MAD1L1: variants seen among roughly 807,000 people sequenced by gnomAD.
MAD1L1 encodes the protein mitotic arrest deficient 1 like 1.
A neutral mutation model predicts 96.9 loss-of-function variants in MAD1L1; 95 were observed. The ratio of observed to expected loss-of-function variants is 0.98; its 90% CI spans 0.83 to 1.16. The LOEUF (loss-of-function observed/expected upper bound fraction) is 1.16. Ranked by LOEUF, MAD1L1 falls within the 50% of genes most tolerant of loss-of-function variation. MAD1L1 has a pLI of 0.00. For synonymous variants in MAD1L1, 473 were observed against 396.6 expected (o/e 1.19, Z -2.29); for missense variants, 1,007 against 954.4 (o/e 1.06, Z -0.73).
At chr7:2,002,534 T>C (rs974256082) in intron 13 of MAD1L1, among the ~76,000 whole-genome samples, 7 of 152,150 alleles carry the variant, frequency 4.6e-5, no homozygotes, top group African/African-American at 1.7e-4. Context: ...AGGCTCGTGC[T>C]TAAAGAACAG....
intron 16 of MAD1L1, among the ~76,000 whole-genome samples, chr7:1,951,635 CCTG>C (rs1477692169): frequency 3.9e-5 from 6 of 152,216 alleles, no homozygotes; most frequent in African/African-American, 1.4e-4. Context: ...CTCTCCACCT[CCTG>C]TCTATGGATC....
Position 2,152,004 on chromosome 7 carries a change from T to C in MAD1L1, c.987-2766A>G, listed in dbSNP as rs139754040. Among the ~76,000 whole-genome samples, 13 of 144,204 alleles carry C rather than the reference T, an allele frequency of 9.0e-5. No homozygotes were observed. The East Asian group carries it at 2.3e-3, about 26-fold the overall frequency. The allele number at this position is 144,204 out of a possible 152,430, so 94.6% of individuals were successfully genotyped here. Reference sequence around the variant, plus strand: ...TGGCTCTCCACATTCCCACCGACTCTGCAGGAGGCTGCTTCCGGGTGGCTC... The same window carrying C: ...TGGCTCTCCACATTCCCACCGACTCCGCAGGAGGCTGCTTCCGGGTGGCTC... On this transcript the variant is annotated intron_variant, in intron 10 of 18. Coordinates refer to ENST00000265854, the MANE Select transcript of MAD1L1 (RefSeq NM_001013836.2).
At chr7:1,885,669 A>G (rs1785968674) in intron 18 of MAD1L1, among the ~76,000 whole-genome samples, 1 of 152,100 alleles carries the variant, frequency 6.6e-6, no homozygotes, top group Admixed American at 6.5e-5. Flanking sequence ...AGCTGTTGCC[A>G]TGACAACCCC....
At chr7:2,040,019 T>C (rs993673038) in intron 12 of MAD1L1, among the ~76,000 whole-genome samples, 3 of 152,222 alleles carry the variant, frequency 2.0e-5, no homozygotes, top group African/African-American at 7.2e-5. Context: ...CAGAAACTTT[T>C]AGCTGGGCCA....
intron 18 of MAD1L1, among the ~76,000 whole-genome samples, chr7:1,860,269 C>A (rs1389897107): frequency 1.1e-3 from 154 of 136,268 alleles, no homozygotes; most frequent in African/African-American, 4.6e-3. Context: ...TTCCCTAGAC[C>A]TGACATCCTG....
intron 12 of MAD1L1, among the ~76,000 whole-genome samples, chr7:2,051,745 C>CCCTACCTCCCCCA: frequency 7.5e-6 from 1 of 133,682 alleles, no homozygotes; most frequent in African/African-American, 2.9e-5. Flanking sequence ...CCTTGCTTTC[C>CCCTACCTCCCCCA]ACCCCCCACC....
At chr7:1,940,860 G>A (rs1413248036) in intron 16 of MAD1L1, among the ~76,000 whole-genome samples, 1 of 133,106 alleles carries the variant, frequency 7.5e-6, no homozygotes. Flanking sequence ...GTAGTCAGCT[G>A]ACCCCTGGCA....
At chr7:1,908,474 G>A (rs10232234) in intron 17 of MAD1L1, among the ~76,000 whole-genome samples, 2 of 151,970 alleles carry the variant, frequency 1.3e-5, no homozygotes, top group African/African-American at 2.4e-5. Context: ...CTCGAACTCC[G>A]GGGCTCAAGC....
chr7:1,935,931 G>A (rs369407239), intron 17 of MAD1L1, among the ~76,000 whole-genome samples: 1 of 152,210 alleles, frequency 6.6e-6, no homozygotes, highest in South Asian at 2.1e-4. Context: ...GCTGGACAGG[G>A]AACCCTCCCC....
At chr7:2,048,042 CAT>C (rs1784008725) in intron 12 of MAD1L1, among the ~76,000 whole-genome samples, 1 of 152,206 alleles carries the variant, frequency 6.6e-6, no homozygotes, top group African/African-American at 2.4e-5. Flanking sequence ...TGGACACACA[CAT>C]ACACAGCACT....
intron 14 of MAD1L1, among the ~76,000 whole-genome samples, chr7:1,988,951 G>C (rs1427536036): frequency 6.6e-6 from 1 of 152,254 alleles, no homozygotes; most frequent in African/African-American, 2.4e-5. Context: ...CTGATGCCCA[G>C]CAAGACTGAG....
At chr7:2,219,196 T>A (rs1041149421) in intron 6 of MAD1L1, 136 bp downstream of exon 6, 44 of 837,206 alleles carry the variant, frequency 5.3e-5, no homozygotes, top group Non-Finnish European at 7.8e-5. Flanking sequence ...CCTCAGCATC[T>A]GCCCCTCTTG....
In MAD1L1 at chr7:2,102,894, G is replaced by A. The variant is rs146257452; in HGVS notation, c.1074-33556C>T. Among the ~76,000 whole-genome samples the A allele has an allele frequency of 3.4e-3, 511 of 152,296 alleles. 5 individuals are homozygous for A. The highest frequency in any genetic ancestry group is 0.011 in the African/African-American group (478 of 41,566). On this transcript the variant is annotated intron_variant, in intron 11 of 18. Coordinates refer to ENST00000265854, the MANE Select transcript of MAD1L1 (RefSeq NM_001013836.2). ...TCCAGAGACAATGCCCAGAGATGGC[G>A]TCTTCTCCTACCCACTCCTAAAGCG...
At chr7:2,137,836 G>C (rs772655742) in intron 11 of MAD1L1, among the ~76,000 whole-genome samples, 1 of 152,214 alleles carries the variant, frequency 6.6e-6, no homozygotes, top group Non-Finnish European at 1.5e-5. Flanking sequence ...AAGAGGGGAA[G>C]CCAAGCAGGA....
At chr7:2,017,386 G>C (rs188086951) in intron 12 of MAD1L1, among the ~76,000 whole-genome samples, 31 of 152,340 alleles carry the variant, frequency 2.0e-4, no homozygotes, top group Non-Finnish European at 1.5e-5. Flanking sequence ...GGAATAGAAT[G>C]TGCTCATCAT....
At chr7:2,163,673 T>G (rs2128590209) in intron 10 of MAD1L1, among the ~76,000 whole-genome samples, 1 of 152,226 alleles carries the variant, frequency 6.6e-6, no homozygotes, top group Admixed American at 6.5e-5. Flanking sequence ...GAAGCACACT[T>G]TTCTACGTAT....
intron 11 of MAD1L1, among the ~76,000 whole-genome samples, chr7:2,135,656 G>GC (rs940971001): frequency 6.6e-6 from 1 of 152,156 alleles, no homozygotes; most frequent in Admixed American, 6.5e-5. Flanking sequence ...CGGGCCTCCT[G>GC]CCCCCCAGCT....
At chr7:1,983,421 T>C (rs574681698) in intron 14 of MAD1L1, among the ~76,000 whole-genome samples, 14 of 152,332 alleles carry the variant, frequency 9.2e-5, no homozygotes, top group Admixed American at 6.5e-4. Flanking sequence ...TCTACAGTAA[T>C]TGATCTGTTT....
At chr7:2,206,621 T>C (rs150208868) in intron 10 of MAD1L1, among the ~76,000 whole-genome samples, 1 of 152,372 alleles carries the variant, frequency 6.6e-6, no homozygotes, top group Non-Finnish European at 1.5e-5. Flanking sequence ...CTGAACATTC[T>C]ACTCTGTTCT....
Sources: allele counts gnomAD v4.1 joint callset (sites outside exome capture counted in the v4.1 genomes callset), GRCh38; gene constraint gnomAD v4.1.1; transcripts MANE v1.5; gene names NCBI Gene and HGNC (gene_info 2026-07-23, HGNC 2026-07-21).